Variants in C8B observed in about 807,000 individuals in gnomAD.
The protein encoded by C8B is complement C8 beta chain, also known as complement component C8 beta chain.
Under a neutral mutation model 64.6 loss-of-function variants are expected in C8B, and 67 were observed. That is an observed-to-expected ratio of 1.04 (90% CI 0.85 to 1.27). The LOEUF is 1.27. Among genes scored for constraint, C8B ranks in the 50% most tolerant of loss-of-function variants. The probability of loss-of-function intolerance (pLI) is 0.00; values close to 1 mark genes in which losing one functional copy is unlikely to be tolerated. For missense variants in C8B, 790 were observed against 725.2 expected (o/e 1.09, Z -1.03); for synonymous variants, 284 against 257.7 (o/e 1.10, Z -0.98).
rs1570378378 is a variant in C8B at position 56,939,609 on chromosome 1, G to A, written c.1398+1240C>T. On this transcript the variant is annotated intron_variant, in intron 9 of 11. Transcript: ENST00000371237. ...TGGGCCCTGTGCAGAAGTCCCCACAGGCAAGGACCTACCATTGCTGACGTG... is the reference window on the plus strand; with the variant it reads ...TGGGCCCTGTGCAGAAGTCCCCACAAGCAAGGACCTACCATTGCTGACGTG... 2.0e-5 allele frequency among the ~76,000 whole-genome samples: 3 copies of A among 152,122 alleles called. No homozygotes were observed. In the South Asian group the frequency reaches 6.2e-4, roughly 32 times the overall value.
chr1:56,929,555 G>A lies in C8B; in HGVS notation c.1625C>T (p.Thr542Ile), dbSNP rs61737417. Residue 542 changes from threonine (T) to isoleucine (I), a missense_variant, in exon 12 of 12, where the codon ACC (threonine) becomes ATC (isoleucine). Transcript: ENST00000371237. ...LACEVSYRKN[T>I]PIDGKWNCWS... ...GCAATTCCACTTCCCATCAATGGGG[G>A]TATCTATAAGAAAGAAGGTCAATAA... 7.7e-3 allele frequency: 12,420 copies of A among 1,613,466 alleles called. 73 individuals are homozygous for A. The highest frequency in any genetic ancestry group is 9.5e-3 in the Non-Finnish European group (11,240 of 1,179,452).
At chr1:56,963,736 T>C (rs1283901463) in intron 1 of C8B, 4 of 404,570 alleles carry the variant, frequency 9.9e-6, no homozygotes, top group Non-Finnish European at 1.3e-5. Context: ...TGTTTTCTGT[T>C]TCCCTCTCTG....
intron 6 of C8B, among the ~76,000 whole-genome samples, chr1:56,947,723 AG>A (rs1644961723): frequency 6.6e-6 from 1 of 152,190 alleles, no homozygotes. Flanking sequence ...TGAGGTCAGT[AG>A]ATCAAGATCA....
At chr1:56,932,233 G>C (rs377114134) in intron 10 of C8B, among the ~76,000 whole-genome samples, 1 of 152,284 alleles carries the variant, frequency 6.6e-6, no homozygotes, top group South Asian at 2.1e-4. Flanking sequence ...GCCTAGCTTA[G>C]ACTTGAATAC....
At chr1:56,958,434 G>T (rs1570404329) in intron 2 of C8B, among the ~76,000 whole-genome samples, 1 of 152,200 alleles carries the variant, frequency 6.6e-6, no homozygotes, top group South Asian at 2.1e-4. Context: ...CTTGCAAAGG[G>T]TCATTCTTTC....
At chr1:56,959,939 AC>A in intron 2 of C8B, 80 bp downstream of exon 2, 3 of 1,478,630 alleles carry the variant, frequency 2.0e-6, no homozygotes, top group Non-Finnish European at 2.8e-6. Flanking sequence ...TGTGCCAGGC[AC>A]TGTTAGCAAT....
intron 5 of C8B, among the ~76,000 whole-genome samples, chr1:56,950,646 A>G (rs1645007466): frequency 6.6e-6 from 1 of 152,320 alleles, no homozygotes; most frequent in East Asian, 1.9e-4. Flanking sequence ...GGTCTACAGC[A>G]TGGCCACTGA....
At chr1:56,948,012 C>CA (rs1349410800) in intron 6 of C8B, among the ~76,000 whole-genome samples, 1 of 152,158 alleles carries the variant, frequency 6.6e-6, no homozygotes, top group Non-Finnish European at 1.5e-5. Flanking sequence ...GCTCCTACTA[C>CA]ACTGCACTGT....
At chr1:56,960,252 T>C in intron 1 of C8B, 76 bp from the exon 2 acceptor site, 1 of 1,331,354 alleles carries the variant, frequency 7.5e-7, no homozygotes, top group Non-Finnish European at 1.1e-6. Context: ...TATTTGTACA[T>C]TCAATAAATA....
chr1:56,948,052 G>C (rs1412908079), intron 6 of C8B, among the ~76,000 whole-genome samples: 1 of 152,196 alleles, frequency 6.6e-6, no homozygotes, highest in African/African-American at 2.4e-5. Flanking sequence ...TTATCCTAGA[G>C]GCTACAGATC....
intron 1 of C8B, among the ~76,000 whole-genome samples, chr1:56,965,328 A>G (rs1645237561): frequency 6.6e-6 from 1 of 151,952 alleles, no homozygotes; most frequent in Non-Finnish European, 1.5e-5. Context: ...GAGACTAACA[A>G]TGATGAAATA....
intron 1 of C8B, among the ~76,000 whole-genome samples, chr1:56,962,905 C>T (rs1645198149): frequency 6.6e-6 from 1 of 152,308 alleles, no homozygotes; most frequent in East Asian, 1.9e-4. Flanking sequence ...ATCAACATTG[C>T]ATTTCTGAAG....
chr1:56,946,490 T>C (rs987433140), intron 6 of C8B, among the ~76,000 whole-genome samples: 1 of 152,214 alleles, frequency 6.6e-6, no homozygotes, highest in African/African-American at 2.4e-5. Context: ...TGACAGCGTA[T>C]GGCAGGAGTC....
At chr1:56,957,432 G>T (rs1033408521) in intron 2 of C8B, among the ~76,000 whole-genome samples, 1 of 152,082 alleles carries the variant, frequency 6.6e-6, no homozygotes, top group Non-Finnish European at 1.5e-5. Context: ...GTGTGATATT[G>T]GGCAAATTAC....
chr1:56,934,957 A>C (rs1008537102), intron 9 of C8B, among the ~76,000 whole-genome samples: 1 of 152,224 alleles, frequency 6.6e-6, no homozygotes, highest in African/African-American at 2.4e-5. Flanking sequence ...AGGAAATCAG[A>C]GGACAAACTG....
At chr1:56,951,919 C>A (rs1960384) in intron 5 of C8B, 129 bp downstream of exon 5, 203,124 of 987,130 alleles carry the variant, frequency 0.21, 22,470 homozygotes, top group Non-Finnish European at 0.23. Context: ...AAGGAACTGC[C>A]CATTTTCACA....
chr1:56,944,080 G>T (rs1329561628), intron 7 of C8B, among the ~76,000 whole-genome samples: 2 of 152,092 alleles, frequency 1.3e-5, no homozygotes, highest in Non-Finnish European at 1.5e-5. Flanking sequence ...TTGAAAGAGG[G>T]GAAGTGCTCA....
chr1:56,930,198 A>T (rs1022828255), intron 11 of C8B, among the ~76,000 whole-genome samples: 17 of 152,304 alleles, frequency 1.1e-4, no homozygotes, highest in East Asian at 5.8e-4. Context: ...ATATAATGGG[A>T]GCTGTGTTAT....
chr1:56,953,665 A>T (rs1008074570), intron 4 of C8B, among the ~76,000 whole-genome samples: 21 of 152,202 alleles, frequency 1.4e-4, no homozygotes, highest in African/African-American at 5.1e-4. Flanking sequence ...TGAAAGAAGC[A>T]TGTTATTAAC....
Sources: gnomAD v4.1 joint callset for allele counts (sites outside exome capture counted in the v4.1 genomes callset) on GRCh38, gnomAD v4.1.1 for gene constraint, MANE v1.5 for transcripts, NCBI Gene and HGNC (gene_info 2026-07-23, HGNC 2026-07-21) for gene names.